Variants in TXLNB observed in about 807,000 individuals in gnomAD.
The protein encoded by TXLNB is beta-taxilin.
Under a neutral mutation model 57.4 loss-of-function variants are expected in TXLNB, and 37 were observed. The observed-to-expected ratio is 0.64, with a 90% CI of 0.50 to 0.85. The LOEUF is 0.85. Among genes scored for constraint, TXLNB ranks in the 40% least tolerant of loss-of-function variants. The pLI is 0.00. For missense variants in TXLNB, 848 were observed against 825.6 expected, an observed-to-expected ratio of 1.03 and a Z score of -0.33; for synonymous variants, 302 against 309.6, an observed-to-expected ratio of 0.98 and a Z score of 0.26.
At position 139,272,774 on chromosome 6, in the gene TXLNB, C is replaced by T. The variant is rs867216925; in HGVS notation, c.517-2148G>A. On this transcript the variant is annotated intron_variant, in intron 3 of 9. Coordinates refer to ENST00000358430, the MANE Select transcript of TXLNB (RefSeq NM_153235.4). ...GTAGGCCAGGCACGGTGGCTCATGC[C>T]TGTAATCCCAGCACTCTGGGAGGCT... 2.6e-5 allele frequency among the ~76,000 whole-genome samples: 4 copies of T among 152,334 alleles called. 1 individual carries two copies. The South Asian group carries it at 6.2e-4, about 24-fold the overall frequency.
chr6:139,175,062 T>C, the TXLNB span, among the ~76,000 whole-genome samples: 1 of 152,180 alleles, frequency 6.6e-6, no homozygotes, highest in African/African-American at 2.4e-5. Context: ...TGTAAGGTGT[T>C]TGAGGTTGTA....
intron 3 of TXLNB, among the ~76,000 whole-genome samples, chr6:139,270,841 A>T (rs1776743748): frequency 1.3e-5 from 2 of 152,212 alleles, no homozygotes; most frequent in South Asian, 4.1e-4. Context: ...GTTTTTCATT[A>T]TTATTAGTCT....
the TXLNB span, among the ~76,000 whole-genome samples, chr6:139,225,183 AT>A: frequency 6.6e-6 from 1 of 152,210 alleles, no homozygotes; most frequent in Admixed American, 6.5e-5. Context: ...AATGTCCTTA[AT>A]CTGATAGAAA....
the TXLNB span, chr6:139,169,860 G>T: frequency 6.6e-6 from 1 of 152,222 alleles, no homozygotes; most frequent in Non-Finnish European, 1.5e-5. Flanking sequence ...GTCTAGCCCA[G>T]GTTCAGATGA....
intron 7 of TXLNB, among the ~76,000 whole-genome samples, chr6:139,252,832 A>G (rs1776242486): frequency 6.6e-6 from 1 of 152,178 alleles, no homozygotes; most frequent in Admixed American, 6.5e-5. Flanking sequence ...TCTACTAAAA[A>G]TACAAAAAAT....
chr6:139,219,974 G>C, the TXLNB span, among the ~76,000 whole-genome samples: 1 of 152,154 alleles, frequency 6.6e-6, no homozygotes, highest in Non-Finnish European at 1.5e-5. Context: ...TTTCCTGACA[G>C]CTGAATCTCA....
At chr6:139,204,650 G>A in the TXLNB span, among the ~76,000 whole-genome samples, 2 of 152,164 alleles carry the variant, frequency 1.3e-5, no homozygotes, top group African/African-American at 4.8e-5. Context: ...GGCATTGTGG[G>A]CAGATGGGAG....
chr6:139,291,530 A>G (rs567864467), intron 1 of TXLNB, among the ~76,000 whole-genome samples: 11 of 152,310 alleles, frequency 7.2e-5, no homozygotes, highest in African/African-American at 2.6e-4. Flanking sequence ...TTAAAACAGA[A>G]CAGTCATTAT....
chr6:139,255,445 A>C, intron 7 of TXLNB, 119 bp downstream of exon 7: 1 of 768,440 alleles, frequency 1.3e-6, no homozygotes, highest in South Asian at 1.4e-5. Flanking sequence ...TTCATTTCCA[A>C]TTCCCATCCC....
intron 2 of TXLNB, among the ~76,000 whole-genome samples, chr6:139,278,544 C>A (rs1458344556): frequency 1.3e-5 from 2 of 152,196 alleles, no homozygotes; most frequent in Non-Finnish European, 2.9e-5. Context: ...CAGGCCATCC[C>A]TTCACCTTTG....
chr6:139,323,189 A>C, the TXLNB span, among the ~76,000 whole-genome samples: 2 of 152,256 alleles, frequency 1.3e-5, no homozygotes, highest in East Asian at 3.9e-4. Context: ...GAGATGAAGA[A>C]GGGATGGGGC....
the TXLNB span, among the ~76,000 whole-genome samples, chr6:139,213,324 C>A: frequency 6.6e-6 from 1 of 152,196 alleles, no homozygotes; most frequent in Non-Finnish European, 1.5e-5. Context: ...TTAAGAAACT[C>A]ACTCAAAACC....
chr6:139,301,504 T>G, the TXLNB span, among the ~76,000 whole-genome samples: 19 of 152,164 alleles, frequency 1.2e-4, no homozygotes, highest in Non-Finnish European at 2.5e-4. Context: ...CATATATCTT[T>G]CCTCTAGAAC....
At position 139,270,467 on chromosome 6, in the gene TXLNB, T is replaced by C; in HGVS notation, c.676A>G (p.Lys226Glu). Reference protein sequence around the residue: ...SLCRELQRHNKTLKEEALQRA... With the variant: ...SLCRELQRHNETLKEEALQRA... The stretch of plus-strand genomic sequence containing the variant: ...GCATGGGGACATACCTTCAGAGTCT[T>C]GTTGTGTCTCTGCAGCTCCCGGCAC... The change falls in exon 4 of 10, where the codon AAG (lysine) becomes GAG (glutamate). Residue 226 changes from lysine (K) to glutamate (E), a missense_variant. Lys to Glu is a moderately conservative substitution (Grantham distance 56). Coordinates refer to ENST00000358430, the MANE Select transcript of TXLNB (RefSeq NM_153235.4). 6.2e-7 allele frequency: 1 copy of C among 1,613,736 alleles called. No homozygotes were observed. Among genetic ancestry groups the C allele is most frequent in the Non-Finnish European group, 8.5e-7 (1 of 1,179,870 alleles).
intron 4 of TXLNB, among the ~76,000 whole-genome samples, chr6:139,267,229 T>C (rs1314990078): frequency 6.6e-6 from 1 of 152,100 alleles, no homozygotes; most frequent in African/African-American, 2.4e-5. Flanking sequence ...AAAAGGGATA[T>C]AGTTTTGCCT....
In TXLNB at chr6:139,243,026, G is replaced by T. The variant is rs759753245; in HGVS notation, c.1555C>A (p.Gln519Lys). 4 of 1,614,162 alleles carry T rather than the reference G, an allele frequency of 2.5e-6. No homozygotes were observed. The highest frequency in any genetic ancestry group is 1.6e-4 in the Middle Eastern group (1 of 6,062). Residue 519 changes from glutamine (Q) to lysine (K), a missense_variant, in exon 10 of 10, where the codon CAG becomes AAG. Transcript: ENST00000358430. The stretch of plus-strand genomic sequence containing the variant: ...ATTTCGGGTTGGGTTTCTTTGGACT[G>T]GTGCGGGGTTGACTCTGGATGATGA... ...IIHHPESTPH[Q>K]SKETQPEIGS...
the TXLNB span, among the ~76,000 whole-genome samples, chr6:139,171,465 C>T: frequency 6.4e-3 from 968 of 152,260 alleles, 6 homozygotes; most frequent in Non-Finnish European, 8.5e-3. Context: ...TTAATTATTA[C>T]CAGAGAAGTT....
At chr6:139,312,829 G>A in the TXLNB span, among the ~76,000 whole-genome samples, 3 of 152,176 alleles carry the variant, frequency 2.0e-5, no homozygotes, top group African/African-American at 7.2e-5. Flanking sequence ...GAGGATGACT[G>A]TAAGTCCTTA....
chr6:139,281,843 C>T (rs1405020078), intron 2 of TXLNB, among the ~76,000 whole-genome samples: 2 of 111,490 alleles, frequency 1.8e-5, no homozygotes, highest in Admixed American at 1.6e-4. Context: ...CCACCGCGCC[C>T]GGCCCTGGAG....
Sources: gnomAD v4.1 joint callset for allele counts (sites outside exome capture counted in the v4.1 genomes callset) on GRCh38, gnomAD v4.1.1 for gene constraint, MANE v1.5 for transcripts, NCBI Gene and HGNC (gene_info 2026-07-23, HGNC 2026-07-21) for gene names.